OR51B5: variants seen among roughly 807,000 people sequenced by gnomAD.
The protein encoded by OR51B5 is olfactory receptor family 51 subfamily B member 5, also known as olfactory receptor 51B5.
For synonymous variants in OR51B5, 186 were observed against 144.8 expected (o/e 1.28, Z -2.04); for missense variants, 456 against 374.6 (o/e 1.22, Z -1.79).
At chr11:5,442,703 T>A (rs1348833933) in intron 1 of OR51B5, among the ~76,000 whole-genome samples, 2 of 152,208 alleles carry the variant, frequency 1.3e-5, no homozygotes, top group Non-Finnish European at 2.9e-5. Flanking sequence ...AGATCTTCGA[T>A]GTCGGGATTC....
At chr11:5,357,213 G>C (rs1849207604) in intron 1 of OR51B5, among the ~76,000 whole-genome samples, 1 of 152,134 alleles carries the variant, frequency 6.6e-6, no homozygotes, top group African/African-American at 2.4e-5. Context: ...CCATCAGTGT[G>C]CTGTATTCAG....
intron 1 of OR51B5, among the ~76,000 whole-genome samples, chr11:5,479,703 G>T (rs924761621): frequency 3.3e-5 from 5 of 149,756 alleles, no homozygotes; most frequent in Admixed American, 1.3e-4. Flanking sequence ...AAAGGCAGGG[G>T]TTGCAATCCT....
chr11:5,452,827 C>T (rs1382612915), intron 1 of OR51B5, among the ~76,000 whole-genome samples: 2 of 152,186 alleles, frequency 1.3e-5, no homozygotes, highest in African/African-American at 4.8e-5. Context: ...TTTCCAGAAA[C>T]AGATACAGCC....
intron 1 of OR51B5, among the ~76,000 whole-genome samples, chr11:5,397,504 C>T (rs1315614947): frequency 2.0e-5 from 3 of 150,938 alleles, no homozygotes; most frequent in Admixed American, 2.0e-4. Context: ...CAATGAGATA[C>T]CATCTCACAC....
chr11:5,376,510 TAATG>T (rs1849530626), intron 1 of OR51B5, among the ~76,000 whole-genome samples: 1 of 151,904 alleles, frequency 6.6e-6, no homozygotes, highest in African/African-American at 2.4e-5. Context: ...TTCAAAAAAT[TAATG>T]AATCTGGGAG....
intron 1 of OR51B5, among the ~76,000 whole-genome samples, chr11:5,434,051 G>A (rs965242502): frequency 5.9e-5 from 9 of 151,944 alleles, no homozygotes; most frequent in African/African-American, 2.2e-4. Context: ...ATTGATCAGC[G>A]GTTCTCAACC....
intron 1 of OR51B5, among the ~76,000 whole-genome samples, chr11:5,367,679 C>G (rs1846320): frequency 0.11 from 16,816 of 152,120 alleles, 1,058 homozygotes; most frequent in South Asian, 0.15. Context: ...ACTGAGAATG[C>G]CTAACTTTCT....
intron 1 of OR51B5, chr11:5,351,993 C>A (rs750415321): frequency 2.5e-6 from 4 of 1,613,516 alleles, no homozygotes; most frequent in Non-Finnish European, 2.5e-6. Flanking sequence ...TTCGCCTACA[C>A]TGGTTTCCCT....
In OR51B5 at chr11:5,411,938, A is replaced by G. The variant is rs1193002965; in HGVS notation, n.85-65028T>C. Reference sequence around the variant, plus strand: ...TGGGTTTTCCCTAAAGCCTTGAGAAAGCAAGGTGGTCCAGCCAATCTCTTG... The same window carrying G: ...TGGGTTTTCCCTAAAGCCTTGAGAAGGCAAGGTGGTCCAGCCAATCTCTTG... On this transcript the variant is annotated intron_variant and non_coding_transcript_variant, in intron 1 of 4. Coordinates refer to the OR51B5 transcript ENST00000415970. Among the ~76,000 whole-genome samples the G allele has an allele frequency of 2.0e-5, 3 of 152,244 alleles. No homozygotes were observed. In the East Asian group the frequency reaches 5.8e-4, roughly 29 times the overall value.
chr11:5,373,338 C>T (rs1729764147), intron 1 of OR51B5, among the ~76,000 whole-genome samples: 3 of 152,082 alleles, frequency 2.0e-5, no homozygotes, highest in Admixed American at 2.0e-4. Flanking sequence ...AATAAAGTTC[C>T]AGTTTTTGAG....
At chr11:5,458,260 C>G (rs1850991202) in intron 1 of OR51B5, among the ~76,000 whole-genome samples, 1 of 152,064 alleles carries the variant, frequency 6.6e-6, no homozygotes, top group Non-Finnish European at 1.5e-5. Flanking sequence ...TTGACTTTGT[C>G]AAAGATCAGA....
intron 1 of OR51B5, chr11:5,454,144 T>C: frequency 1.2e-6 from 2 of 1,614,246 alleles, no homozygotes; most frequent in Non-Finnish European, 1.7e-6. Context: ...CTCTCCTATG[T>C]GCTCATTCTG....
chr11:5,363,259 A>AGTTT (rs1295482918), intron 1 of OR51B5, among the ~76,000 whole-genome samples: 4 of 70,514 alleles, frequency 5.7e-5, no homozygotes, highest in African/African-American at 2.1e-4. Flanking sequence ...ACACACACAC[A>AGTTT]CACACACACA....
chr11:5,475,739 C>A (rs1330570721), intron 1 of OR51B5, among the ~76,000 whole-genome samples: 2 of 152,106 alleles, frequency 1.3e-5, no homozygotes, highest in Admixed American at 1.3e-4. Flanking sequence ...ATTCAAGGCA[C>A]CCAGCATGAT....
intron 1 of OR51B5, among the ~76,000 whole-genome samples, chr11:5,476,241 TTCTATAAAC>T (rs1253819305): frequency 1.3e-5 from 2 of 152,200 alleles, no homozygotes; most frequent in Non-Finnish European, 2.9e-5. Context: ...TGTTGACTAA[TTCTATAAAC>T]TCGTTTAAAT....
chr11:5,380,362 T>G (rs1849591619), intron 1 of OR51B5, among the ~76,000 whole-genome samples: 1 of 152,154 alleles, frequency 6.6e-6, no homozygotes, highest in African/African-American at 2.4e-5. Context: ...AAGACCCTTT[T>G]GGCAATCCTA....
intron 1 of OR51B5, among the ~76,000 whole-genome samples, chr11:5,499,683 T>A (rs193048278): frequency 6.6e-5 from 10 of 152,322 alleles, no homozygotes; most frequent in Admixed American, 5.9e-4. Context: ...GTTAATTCCA[T>A]CAGCAAGCCC....
intron 1 of OR51B5, among the ~76,000 whole-genome samples, chr11:5,469,813 CCTCCATGAAGT>C (rs368065184): frequency 2.6e-5 from 4 of 152,272 alleles, no homozygotes; most frequent in African/African-American, 9.6e-5. Flanking sequence ...TGCACCATGT[CCTCCATGAAGT>C]CTTTCCTTAA....
chr11:5,367,588 C>A (rs1415098730), intron 1 of OR51B5, among the ~76,000 whole-genome samples: 1 of 152,118 alleles, frequency 6.6e-6, no homozygotes, highest in Non-Finnish European at 1.5e-5. Flanking sequence ...TGGGTTTCAG[C>A]CAGCTTCTTT....
Sources: allele counts gnomAD v4.1 joint callset (sites outside exome capture counted in the v4.1 genomes callset), GRCh38; gene constraint gnomAD v4.1.1; transcripts MANE v1.5; gene names NCBI Gene and HGNC (gene_info 2026-07-23, HGNC 2026-07-21).